The following ABCC4 variants were observed in gnomAD, a reference collection of about 807,000 sequenced individuals.
ABCC4 encodes the protein ATP-binding cassette sub-family C member 4.
In ABCC4, 102 loss-of-function variants were observed where a neutral mutation model predicts 168.5. The ratio of observed to expected loss-of-function variants is 0.61; its 90% CI spans 0.52 to 0.71. The LOEUF is 0.71. Ranked by LOEUF, ABCC4 falls within the 30% of genes least tolerant of loss-of-function variation. ABCC4 has a pLI of 0.00. For synonymous variants in ABCC4, 617 were observed against 590.7 expected, an observed-to-expected ratio of 1.04 and a Z score of -0.65; for missense variants, 1,402 against 1,605.8, an observed-to-expected ratio of 0.87 and a Z score of 2.17.
chr13:95,039,305 G>A (rs1037202899), intron 29 of ABCC4, among the ~76,000 whole-genome samples: 5 of 152,180 alleles, frequency 3.3e-5, no homozygotes, highest in African/African-American at 1.2e-4. Context: ...TCAGATTTAG[G>A]AGCATTTCAG....
At chr13:95,281,338 T>C (rs1043576968) in intron 1 of ABCC4, among the ~76,000 whole-genome samples, 26 of 147,538 alleles carry the variant, frequency 1.8e-4, no homozygotes, top group Non-Finnish European at 2.2e-4. Context: ...AGAGAGAAAG[T>C]TGAGAGCATA....
intron 1 of ABCC4, among the ~76,000 whole-genome samples, chr13:95,259,380 CAA>C (rs11462774): frequency 1.8e-4 from 23 of 128,292 alleles, no homozygotes; most frequent in African/African-American, 2.2e-4. Context: ...AACTCCGTCT[CAA>C]AAAAAAAAAA....
chr13:95,193,893 C>T (rs755227681), intron 9 of ABCC4, among the ~76,000 whole-genome samples: 1 of 152,214 alleles, frequency 6.6e-6, no homozygotes, highest in Non-Finnish European at 1.5e-5. Context: ...AAGACCCAAT[C>T]GGACCATGCC....
chr13:95,114,695 T>C (rs1337918438), intron 20 of ABCC4, among the ~76,000 whole-genome samples: 5 of 152,352 alleles, frequency 3.3e-5, no homozygotes, highest in Middle Eastern at 6.8e-3. Context: ...TGCAGTCACA[T>C]GCTCATTTGC....
intron 4 of ABCC4, among the ~76,000 whole-genome samples, chr13:95,221,451 A>C (rs1373830571): frequency 6.6e-6 from 1 of 151,468 alleles, no homozygotes; most frequent in African/African-American, 2.4e-5. Flanking sequence ...CTGGTCTTGA[A>C]CTCCAAGGCT....
intron 20 of ABCC4, among the ~76,000 whole-genome samples, chr13:95,105,390 T>C (rs1254197029): frequency 6.6e-6 from 1 of 152,062 alleles, no homozygotes; most frequent in Non-Finnish European, 1.5e-5. Context: ...TGGGGACCAC[T>C]GGATTAGTCA....
At chr13:95,184,425 A>T (rs2037995785) in intron 11 of ABCC4, among the ~76,000 whole-genome samples, 1 of 152,112 alleles carries the variant, frequency 6.6e-6, no homozygotes, top group African/African-American at 2.4e-5. Flanking sequence ...AACACCCCCA[A>T]CTGAGAGGTG....
chr13:95,210,033 A>G (rs2038908135), intron 5 of ABCC4, among the ~76,000 whole-genome samples: 1 of 152,220 alleles, frequency 6.6e-6, no homozygotes, highest in Non-Finnish European at 1.5e-5. Flanking sequence ...ACAGAAACCA[A>G]GTCTTATTCA....
At chr13:95,084,882 T>C (rs936023884) in intron 20 of ABCC4, among the ~76,000 whole-genome samples, 8 of 152,298 alleles carry the variant, frequency 5.3e-5, no homozygotes, top group Admixed American at 3.3e-4. Context: ...GCAAGAAGCA[T>C]AAAAACCCAA....
At chr13:95,080,574 A>G (rs1464307013) in intron 21 of ABCC4, among the ~76,000 whole-genome samples, 1 of 152,218 alleles carries the variant, frequency 6.6e-6, no homozygotes, top group East Asian at 1.9e-4. Flanking sequence ...CCTGGGTTCA[A>G]GAGATTCTCA....
intron 21 of ABCC4, among the ~76,000 whole-genome samples, chr13:95,079,021 C>T (rs1460900406): frequency 3.3e-5 from 5 of 152,208 alleles, no homozygotes; most frequent in Non-Finnish European, 1.5e-5. Flanking sequence ...TCAAGCTACA[C>T]ACTTTAATTC....
intron 19 of ABCC4, among the ~76,000 whole-genome samples, chr13:95,117,241 G>A (rs888491254): frequency 6.8e-6 from 1 of 145,988 alleles, no homozygotes; most frequent in Non-Finnish European, 1.5e-5. Flanking sequence ...GGGATTAAAC[G>A]GGCTCATGCC....
intron 26 of ABCC4, among the ~76,000 whole-genome samples, chr13:95,059,771 A>G (rs2033216949): frequency 6.6e-6 from 1 of 152,206 alleles, no homozygotes; most frequent in South Asian, 2.1e-4. Flanking sequence ...GCGAGTAGCA[A>G]TAATGCCCTA....
intron 19 of ABCC4, among the ~76,000 whole-genome samples, chr13:95,116,402 A>C (rs1278255427): frequency 6.6e-6 from 1 of 152,184 alleles, no homozygotes; most frequent in Non-Finnish European, 1.5e-5. Flanking sequence ...CTTTATCAGA[A>C]TTTCTTTTGC....
At position 95,106,366 on chromosome 13, in the gene ABCC4, T is replaced by C. The variant is rs573908083; in HGVS notation, c.2535+9556A>G. Among the ~76,000 whole-genome samples, 8 of 151,638 alleles carry C rather than the reference T, an allele frequency of 5.3e-5. No homozygotes were observed. The East Asian group carries it at 5.9e-4, about 11-fold the overall frequency. On this transcript the variant is annotated intron_variant, in intron 20 of 30. Transcript: ENST00000645237. ...GTATATATGTGCGCGTATATATATA[T>C]ACATATATACGCACACACACGTATA...
chr13:95,039,414 AG>A (rs2032263228), intron 29 of ABCC4, among the ~76,000 whole-genome samples: 1 of 152,226 alleles, frequency 6.6e-6, no homozygotes, highest in Admixed American at 6.5e-5. Flanking sequence ...CTTTTTGTAC[AG>A]AAAAAAGGGC....
In ABCC4 at chr13:95,090,960, CACTT is replaced by C. The variant is rs376706084; in HGVS notation, c.2536-7674_2536-7671del. On this transcript the variant is annotated intron_variant, in intron 20 of 30. Transcript: ENST00000645237. ...TCAAAAATTCGAGAGACATTGGACA[CACTT>C]ACAGAAATGCAAAATGCTCTGGAAA... Among the ~76,000 whole-genome samples the C allele has an allele frequency of 3.6e-3, 554 of 152,226 alleles. 2 individuals carry two copies. Among genetic ancestry groups the C allele is most frequent in the African/African-American group, 0.013 (542 of 41,550 alleles).
chr13:95,279,672 T>A (rs1301178100), intron 1 of ABCC4, among the ~76,000 whole-genome samples: 1 of 151,980 alleles, frequency 6.6e-6, no homozygotes, highest in African/African-American at 2.4e-5. Context: ...CTTCAAGAAA[T>A]CCCCAAGTCC....
intron 1 of ABCC4, among the ~76,000 whole-genome samples, chr13:95,260,492 G>A (rs1228428596): frequency 6.6e-6 from 1 of 152,160 alleles, no homozygotes; most frequent in African/African-American, 2.4e-5. Context: ...GTAGAGAGAA[G>A]AAAGAGGGTA....
Sources: allele counts gnomAD v4.1 joint callset (sites outside exome capture counted in the v4.1 genomes callset), GRCh38; gene constraint gnomAD v4.1.1; transcripts MANE v1.5; gene names NCBI Gene and HGNC (gene_info 2026-07-23, HGNC 2026-07-21).